The following PCNX3 variants were observed in gnomAD, a reference collection of about 807,000 sequenced individuals.
The protein encoded by PCNX3 is pecanex-like protein 3.
Under a neutral mutation model 207.2 loss-of-function variants are expected in PCNX3, and 58 were observed. That is an observed-to-expected ratio of 0.28 (90% CI 0.23 to 0.35). The LOEUF is 0.35. Ranked by LOEUF, PCNX3 falls within the 10% of genes least tolerant of loss-of-function variation. The pLI is 1.00. For synonymous variants in PCNX3, 1,337 were observed against 1,183.5 expected, an observed-to-expected ratio of 1.13 and a Z score of -2.66; for missense variants, 2,410 against 2,774.4, an observed-to-expected ratio of 0.87 and a Z score of 2.95.
Position 65,620,811 on chromosome 11 carries a change from G to T in PCNX3, c.2100-20G>T, listed in dbSNP as rs1280376238. The T allele has an allele frequency of 6.3e-7, 1 of 1,591,810 alleles. No homozygotes were observed. ...CAGGGCTCGCCCGTGGGGGGATCCT[G>T]ATGGCTGCTGTTCTCACAGGGACCG... On this transcript the variant is annotated intron_variant, in intron 9 of 34. Coordinates refer to ENST00000355703, the MANE Select transcript of PCNX3 (RefSeq NM_032223.4).
chr11:65,627,186 C>T, intron 21 of PCNX3, 138 bp downstream of exon 21: 1 of 1,289,926 alleles, frequency 7.8e-7, no homozygotes, highest in Non-Finnish European at 1.0e-6. Flanking sequence ...TCCTGACACG[C>T]CATCCCAGGA....
rs780765320 is a variant in PCNX3 at position 65,636,274 on chromosome 11, C to T, written c.5560C>T (p.Pro1854Ser). 9 of 1,602,736 alleles carry T rather than the reference C, an allele frequency of 5.6e-6. No homozygotes were observed. Among genetic ancestry groups the T allele is most frequent in the Non-Finnish European group, 7.7e-6 (9 of 1,174,618 alleles). Reference sequence around the variant, plus strand: ...CCTGACCTCCCTCAGCAATAACCCCCCCGTGGCACACCCCACACCTGAGAA... The same window carrying T: ...CCTGACCTCCCTCAGCAATAACCCCTCCGTGGCACACCCCACACCTGAGAA... ...GGLTSLSNNP[P>S]VAHPTPENTA... Residue 1854 changes from proline (P) to serine (S), a missense_variant, in exon 33 of 35, where the codon CCC becomes TCC. Around this residue, in one of 8 missense-constraint regions of PCNX3, gnomAD observed 278 missense variants for 245.1 expected, o/e 1.13. Transcript: ENST00000355703.
At position 65,636,186 on chromosome 11, in the gene PCNX3, C is replaced by A. The variant is rs1270841373; in HGVS notation, c.5472C>A (p.Gly1824=). The A allele has an allele frequency of 6.2e-7, 1 of 1,602,142 alleles. No individual in the cohort carries two copies. Among genetic ancestry groups the A allele is most frequent in the African/African-American group, 1.3e-5 (1 of 74,778 alleles). ...TCTCCACCCCCAGGCTTCACAAGGG[C>A]TGTGGCGCCGGCTGCAATAGTGGCG... ...LLRTWERLHK[G]CGAGCNSGGN... Residue 1824 remains glycine (G), a synonymous_variant, in exon 33 of 35, where the codon GGC becomes GGA. Transcript: ENST00000355703.
In PCNX3 at chr11:65,627,418, C is replaced by T; in HGVS notation, c.3538C>T (p.Leu1180=). The T allele has an allele frequency of 6.2e-7, 1 of 1,610,176 alleles. No homozygotes were observed. The highest frequency in any genetic ancestry group is 8.5e-7 in the Non-Finnish European group (1 of 1,179,816). ...DKYCFYCRAL[L]MTVAGLKLLR... is the part of the protein sequence containing the mutation. ...CCTTGCCCACAGCTGCCGGGCGCTG[C>T]TGATGACCGTGGCTGGGCTGAAGCT... Residue 1180 remains leucine (L), a synonymous_variant, in exon 22 of 35, where the codon CTG becomes TTG. Transcript: ENST00000355703.
At chr11:65,622,471 T>A (rs529323518) in intron 11 of PCNX3, 105 bp downstream of exon 11, 1 of 1,370,768 alleles carries the variant, frequency 7.3e-7, no homozygotes, top group South Asian at 1.5e-5. Context: ...AGAGCCTGAC[T>A]CGGGGGAAGC....
At chr11:65,629,081 G>A (rs1855516669) in intron 24 of PCNX3, 133 bp downstream of exon 24, 13 of 1,334,772 alleles carry the variant, frequency 9.7e-6, no homozygotes, top group Non-Finnish European at 1.3e-5. Flanking sequence ...GACACATGAG[G>A]CGGCAGATCC....
chr11:65,630,000 G>T (rs961445081), intron 26 of PCNX3, among the ~76,000 whole-genome samples: 2 of 152,234 alleles, frequency 1.3e-5, no homozygotes, highest in Non-Finnish European at 2.9e-5. Context: ...GGGCCTGGAG[G>T]TCTGAGTTCT....
chr11:65,624,638 C>T, intron 15 of PCNX3, 57 bp downstream of exon 15: 6 of 1,455,986 alleles, frequency 4.1e-6, no homozygotes, highest in African/African-American at 1.4e-5. Flanking sequence ...CAGGAGGGCC[C>T]TCGGATTGGG....
Position 65,626,910 on chromosome 11 carries a change from C to T in PCNX3, c.3386C>T (p.Ala1129Val), listed in dbSNP as rs1039332781. 6.3e-7 allele frequency: 1 copy of T among 1,586,184 alleles called. No homozygotes were observed. Among genetic ancestry groups the T allele is most frequent in the Non-Finnish European group, 8.6e-7 (1 of 1,166,266 alleles). The part of the protein sequence containing the change: ...EYSQYEVRGA[A>V]QVMWFEKLYA... ...TCCTGGCCTCTCCACACAGGTGCCG[C>T]CCAGGTGATGTGGTTTGAGAAGCTG... The change falls in exon 21 of 35, where the codon GCC becomes GTC. Residue 1129 changes from alanine (A) to valine (V), a missense_variant. Around this residue, in one of 8 missense-constraint regions of PCNX3, gnomAD observed 333 missense variants for 386.8 expected, o/e 0.86. Coordinates refer to ENST00000355703, the MANE Select transcript of PCNX3 (RefSeq NM_032223.4).
Position 65,627,480 on chromosome 11 carries a change from C to T in PCNX3, c.3600C>T (p.Tyr1200=), listed in dbSNP as rs1855450981. 3 of 1,613,806 alleles carry T rather than the reference C, an allele frequency of 1.9e-6. No homozygotes were observed. In the African/African-American group the frequency reaches 4.0e-5, roughly 22 times the overall value. ...RSAFCCPPQQ[Y]LTLAFTVLLF... is the part of the protein sequence containing the mutation. ...CCTTCTGCTGCCCCCCACAGCAGTA[C>T]CTGACGTTGGCCTTCACCGTCCTGC... The change falls in exon 22 of 35, where the codon TAC becomes TAT. Residue 1200 remains tyrosine, a synonymous_variant. Coordinates refer to ENST00000355703, the MANE Select transcript of PCNX3 (RefSeq NM_032223.4).
chr11:65,630,428 C>A lies in PCNX3; in HGVS notation c.4294C>A (p.Pro1432Thr). 3 of 1,613,598 alleles carry A rather than the reference C, an allele frequency of 1.9e-6. No homozygotes were observed. The highest frequency in any genetic ancestry group is 2.5e-6 in the Non-Finnish European group (3 of 1,179,894). The change falls in exon 27 of 35, where the codon CCT (proline) becomes ACT (threonine). Residue 1432 changes from proline to threonine, a missense_variant. Transcript: ENST00000355703. ...EEDEGCCCCE[P>T]GHLPRVLSFN... Reference sequence around the variant, plus strand: ...GGACGAGGGCTGTTGCTGCTGTGAACCTGGCCACCTGCCACGGGTCCTGTC... The same window carrying A: ...GGACGAGGGCTGTTGCTGCTGTGAAACTGGCCACCTGCCACGGGTCCTGTC...
At chr11:65,634,754 G>A (rs1046652743) in intron 29 of PCNX3, 113 bp downstream of exon 29, 160 of 1,216,080 alleles carry the variant, frequency 1.3e-4, no homozygotes, top group Non-Finnish European at 1.3e-4. Context: ...GGCCCTTCCT[G>A]TTGGGGTACC....
intron 20 of PCNX3, 123 bp from the exon 21 acceptor site, chr11:65,626,781 C>A (rs1265962033): frequency 8.5e-6 from 12 of 1,418,668 alleles, no homozygotes; most frequent in Non-Finnish European, 2.9e-6. Context: ...TGCCACAGAT[C>A]AGCCCCTCCC....
rs1421389196 is a variant in PCNX3 at position 65,633,872 on chromosome 11, T to G, written c.4471-254T>G. 3.1e-4 allele frequency among the ~76,000 whole-genome samples: 47 copies of G among 152,232 alleles called. 1 individual carries two copies. The highest frequency in any genetic ancestry group is 3.1e-3 in the Admixed American group (47 of 15,286). On this transcript the variant is annotated intron_variant, in intron 27 of 34. Transcript: ENST00000355703. ...GGCAGAGGCAGGCAGATGCTGCTTG[T>G]GAGTGCTAGCCCCAGCACAGGACTT...
intron 27 of PCNX3, among the ~76,000 whole-genome samples, chr11:65,632,646 C>T (rs1173522488): frequency 2.8e-5 from 4 of 143,196 alleles, no homozygotes; most frequent in African/African-American, 5.2e-5. Context: ...CTAAGATGAC[C>T]GTGAGTGTTG....
chr11:65,629,799 C>CA (rs1855547066), intron 26 of PCNX3, 64 bp downstream of exon 26: 1 of 1,504,812 alleles, frequency 6.6e-7, no homozygotes, highest in Admixed American at 2.0e-5. Context: ...GAGCTGTGTT[C>CA]AATAGCACGT....
chr11:65,618,881 G>A lies in PCNX3; in HGVS notation c.1519G>A (p.Asp507Asn). The A allele has an allele frequency of 6.2e-7, 1 of 1,610,472 alleles. No individual in the cohort carries two copies. The highest frequency in any genetic ancestry group is 2.2e-5 in the East Asian group (1 of 44,790). ...AKTHARVLSM[D>N]GAGGDVLRPP... ...AACACATGCCCGTGTGCTGAGCATG[G>A]ATGGGGCTGGGGGTGATGTTCTGAG... Residue 507 changes from aspartate to asparagine, a missense_variant, in exon 6 of 35, where the codon GAT becomes AAT. Asp to Asn is a conservative substitution (Grantham distance 23, BLOSUM62 1). Transcript: ENST00000355703.
At chr11:65,617,082 G>C in intron 2 of PCNX3, 71 bp downstream of exon 2, 1 of 1,482,970 alleles carries the variant, frequency 6.7e-7, no homozygotes, top group Non-Finnish European at 9.1e-7. Context: ...GCAGGGTGGA[G>C]TAGGGGCTTA....
At position 65,635,928 on chromosome 11, in the gene PCNX3, C is replaced by A; in HGVS notation, c.5459+125C>A. 7.4e-7 allele frequency: 1 copy of A among 1,351,432 alleles called. No homozygotes were observed. The highest frequency in any genetic ancestry group is 9.9e-7 in the Non-Finnish European group (1 of 1,010,948). The allele number at this position is 1,351,432 out of a possible 1,614,324, so 83.7% of individuals were successfully genotyped here. A position where few individuals can be genotyped will look rare whatever the true frequency, so the allele number is the denominator to read the frequency against. On this transcript the variant is annotated intron_variant, in intron 32 of 34. Coordinates refer to ENST00000355703, the MANE Select transcript of PCNX3 (RefSeq NM_032223.4). This position sits in a 1 kb window ranked among gnomAD's most constrained non-coding sequence, Gnocchi z 9.9. ...TGAATCCCGAGAGATGACCCCCTCC[C>A]AGAGCTGACCTGCCCCTCCTAGATG...
Sources: gnomAD v4.1 joint callset for allele counts (sites outside exome capture counted in the v4.1 genomes callset) on GRCh38, gnomAD v4.1.1 for gene constraint, gnomAD v4.1.1 regional missense constraint, Gnocchi (gnomAD v3.1) non-coding constraint, MANE v1.5 for transcripts, NCBI Gene and HGNC (gene_info 2026-07-23, HGNC 2026-07-21) for gene names.